EML5: variants seen among roughly 807,000 people sequenced by gnomAD.
EML5 encodes the protein echinoderm microtubule-associated protein-like 5.
A neutral mutation model predicts 250.0 loss-of-function variants in EML5; 120 were observed. That is an observed-to-expected ratio of 0.48 (90% CI 0.41 to 0.56). The LOEUF (loss-of-function observed/expected upper bound fraction) is 0.56, where lower values mean the gene tolerates loss of function less well. EML5 is among the 20% of genes least tolerant of loss of function. The pLI, the probability that EML5 is intolerant of heterozygous loss-of-function variation, is 0.00. For synonymous variants in EML5, 771 were observed against 806.5 expected (o/e 0.96, Z 0.75); for missense variants, 2,006 against 2,437.6 (o/e 0.82, Z 3.73).
chr14:88,766,434 A>G (rs1327452805), intron 1 of EML5, among the ~76,000 whole-genome samples: 1 of 152,132 alleles, frequency 6.6e-6, no homozygotes. Context: ...TCTGTCTTTT[A>G]CAGTTGTGGA....
intron 21 of EML5, among the ~76,000 whole-genome samples, chr14:88,677,609 A>G (rs1313318312): frequency 6.6e-6 from 1 of 152,242 alleles, no homozygotes; most frequent in African/African-American, 2.4e-5. Flanking sequence ...ATTCACAAGA[A>G]ATAACCCCAT....
In EML5 at chr14:88,649,942, G is replaced by A. The variant is rs1464630374; in HGVS notation, c.4005-16C>T. 1.4e-6 allele frequency: 2 copies of A among 1,471,194 alleles called. No individual in the cohort carries two copies. The highest frequency in any genetic ancestry group is 5.4e-5 in the Admixed American group (2 of 36,760). The allele number at this position is 1,471,194 out of a possible 1,614,324, so 91.1% of individuals were successfully genotyped here. A position where few individuals can be genotyped will look rare whatever the true frequency, so the allele number is the denominator to read the frequency against. ...TACTCCCTGCCTTCAAAAGGAGCAA[G>A]GGGGAAAAAAGTAGGAAAACATATA... On this transcript the variant is annotated splice_polypyrimidine_tract_variant and intron_variant, in intron 27 of 43. Transcript: ENST00000554922.
chr14:88,759,696 A>C (rs1379892186), intron 1 of EML5, among the ~76,000 whole-genome samples: 1 of 150,618 alleles, frequency 6.6e-6, no homozygotes, highest in Non-Finnish European at 1.5e-5. Context: ...AAAAAAAAAA[A>C]AAAAAAAACT....
rs754832886 is a variant in EML5, at chr14:88,688,415, C to T, written c.2598G>A (p.Met866Ile). 1 of 1,614,002 alleles carries T rather than the reference C, an allele frequency of 6.2e-7. No homozygotes were observed. Among genetic ancestry groups the T allele is most frequent in the South Asian group, 1.1e-5 (1 of 91,080 alleles). ...CAGTCCATCCATACACTGCACACAT[C>T]ATTGTGTCATTTTTCCCCAGTGTGC... ...YIGTLGKNDT[M>I]MCAVYGWTEE... Residue 866 changes from methionine (M) to isoleucine (I), a missense_variant, in exon 18 of 44, where the codon ATG (methionine) becomes ATA (isoleucine). By Grantham distance (10) the Met-to-Ile change is conservative. Transcript: ENST00000554922.
At chr14:88,659,313 C>A (rs182529839) in intron 25 of EML5, among the ~76,000 whole-genome samples, 2 of 151,790 alleles carry the variant, frequency 1.3e-5, no homozygotes, top group Non-Finnish European at 2.9e-5. Flanking sequence ...CTGGTTCAAG[C>A]GATTCTTCTA....
intron 17 of EML5, among the ~76,000 whole-genome samples, chr14:88,691,774 C>A (rs1648988545): frequency 6.6e-6 from 1 of 152,060 alleles, no homozygotes; most frequent in Admixed American, 6.5e-5. Flanking sequence ...TACTTATTTC[C>A]CAAGTGGTTA....
At chr14:88,714,503 T>C (rs1472923334) in intron 9 of EML5, among the ~76,000 whole-genome samples, 2 of 152,196 alleles carry the variant, frequency 1.3e-5, no homozygotes, top group African/African-American at 4.8e-5. Context: ...ATGCTGTTAC[T>C]GTATGATATA....
chr14:88,730,615 A>T (rs1160429176), intron 7 of EML5, among the ~76,000 whole-genome samples: 5 of 152,190 alleles, frequency 3.3e-5, no homozygotes, highest in Non-Finnish European at 5.9e-5. Context: ...TTGATTCTTC[A>T]TGGGTTAACA....
At chr14:88,759,698 A>AAAAAACAAAAAAAAAC (rs1555374470) in intron 1 of EML5, among the ~76,000 whole-genome samples, 1 of 142,112 alleles carries the variant, frequency 7.0e-6, no homozygotes, top group Non-Finnish European at 1.5e-5. Context: ...AAAAAAAAAA[A>AAAAAACAAAAAAAAAC]AAAAAACTGG....
intron 39 of EML5, chr14:88,619,272 G>A (rs1324386457): frequency 6.5e-6 from 1 of 152,790 alleles, no homozygotes; most frequent in Non-Finnish European, 1.5e-5. Flanking sequence ...GGCTGAAGCA[G>A]GAGAATCGCT....
At position 88,627,023 on chromosome 14, in the gene EML5, C is replaced by T. The variant is rs1171416557; in HGVS notation, c.4555G>A (p.Gly1519Ser). 1 of 1,613,732 alleles carries T rather than the reference C, an allele frequency of 6.2e-7. No homozygotes were observed. Among genetic ancestry groups the T allele is most frequent in the South Asian group, 1.1e-5 (1 of 91,066 alleles). ...GCCACAAAAATACGTTGATTGTGAC[C>T]AGCTCTGCTGGCAATTTTGGCACCT... ...QEGAKIASRAGHNQRIFVAEF... is the reference protein window; with the variant it reads ...QEGAKIASRASHNQRIFVAEF... Residue 1519 changes from glycine (G) to serine (S), a missense_variant, in exon 35 of 44, where the codon GGT becomes AGT. Gly to Ser is a moderately conservative substitution (Grantham distance 56). Coordinates refer to ENST00000554922, the MANE Select transcript of EML5 (RefSeq NM_183387.3).
intron 8 of EML5, among the ~76,000 whole-genome samples, chr14:88,725,664 T>A: frequency 6.6e-6 from 1 of 152,134 alleles, no homozygotes; most frequent in Admixed American, 6.5e-5. Context: ...AAGCACACAA[T>A]GTGTTTTAAA....
intron 14 of EML5, among the ~76,000 whole-genome samples, chr14:88,698,420 C>T (rs2093131528): frequency 6.6e-6 from 1 of 151,988 alleles, no homozygotes; most frequent in South Asian, 2.1e-4. Context: ...GCATGCACCA[C>T]CATGCCCGGC....
intron 8 of EML5, among the ~76,000 whole-genome samples, chr14:88,726,017 A>G (rs945298391): frequency 6.6e-6 from 1 of 152,204 alleles, no homozygotes; most frequent in African/African-American, 2.4e-5. Flanking sequence ...TTTCTTACTG[A>G]CTGCATAGAA....
intron 1 of EML5, among the ~76,000 whole-genome samples, chr14:88,775,070 G>A (rs557492238): frequency 1.3e-5 from 2 of 152,314 alleles, no homozygotes; most frequent in African/African-American, 4.8e-5. Context: ...TTCACCACCT[G>A]CTAACTGAAT....
rs1380123343 is a variant in EML5, at chr14:88,642,912, A to G, written c.4218T>C (p.Ile1406=). 1.2e-6 allele frequency: 2 copies of G among 1,605,074 alleles called. No homozygotes were observed. The highest frequency in any genetic ancestry group is 2.7e-5 in the African/African-American group (2 of 74,540). The change falls in exon 31 of 44, where the codon ATT becomes ATC. Residue 1406 remains isoleucine, a synonymous_variant. Transcript: ENST00000554922. ...DIIYHTASVG[I]LHNVATGSQS... is the part of the protein sequence containing the mutation. ...TCCTACCTGTAGCAACATTGTGCAGAATTCCAACAGATGCAGTGTGATAAA... is the reference window on the plus strand; with the variant it reads ...TCCTACCTGTAGCAACATTGTGCAGGATTCCAACAGATGCAGTGTGATAAA...
intron 33 of EML5, among the ~76,000 whole-genome samples, chr14:88,633,356 A>G (rs1477596418): frequency 6.6e-6 from 1 of 151,002 alleles, no homozygotes; most frequent in Non-Finnish European, 1.5e-5. Flanking sequence ...CTGGCCTCGG[A>G]ACTCCTGTCT....
intron 13 of EML5, among the ~76,000 whole-genome samples, chr14:88,703,157 A>C (rs1595582933): frequency 6.6e-6 from 1 of 152,224 alleles, no homozygotes; most frequent in Non-Finnish European, 1.5e-5. Flanking sequence ...AACAAGGTAG[A>C]AAATAGTATG....
intron 30 of EML5, among the ~76,000 whole-genome samples, chr14:88,643,585 C>G (rs187713555): frequency 2.0e-5 from 3 of 152,182 alleles, no homozygotes; most frequent in Admixed American, 2.0e-4. Flanking sequence ...GGGAATCTAT[C>G]CCCCATGGAC....
Sources: allele counts gnomAD v4.1 joint callset (sites outside exome capture counted in the v4.1 genomes callset), GRCh38; gene constraint gnomAD v4.1.1; transcripts MANE v1.5; gene names NCBI Gene and HGNC (gene_info 2026-07-23, HGNC 2026-07-21).